Variants in EMILIN2 observed in about 807,000 individuals in gnomAD.
EMILIN2 encodes the protein EMILIN-2.
EMILIN2 carries 71 observed loss-of-function variants against 87.1 expected under a neutral mutation model. The observed-to-expected ratio is 0.82, with a 90% confidence interval of 0.67 to 0.99. The LOEUF is 0.99. Ranked by LOEUF, EMILIN2 falls within the 50% of genes least tolerant of loss-of-function variation. The pLI, the probability that EMILIN2 is intolerant of heterozygous loss-of-function variation, is 0.00. For missense variants in EMILIN2, 1,407 were observed against 1,371.8 expected (o/e 1.03, Z -0.40); for synonymous variants, 581 against 563.4 (o/e 1.03, Z -0.44).
chr18:2,876,976 A>G (rs900642363), intron 2 of EMILIN2, among the ~76,000 whole-genome samples: 1 of 152,236 alleles, frequency 6.6e-6, no homozygotes, highest in African/African-American at 2.4e-5. Context: ...CTCCATGTAG[A>G]GATCTGATTA....
chr18:2,854,400 T>C (rs2076616909), intron 2 of EMILIN2, among the ~76,000 whole-genome samples: 1 of 152,140 alleles, frequency 6.6e-6, no homozygotes, highest in African/African-American at 2.4e-5. Context: ...CTAATCCTCC[T>C]CAGGTTCCGA....
At chr18:2,864,108 G>A (rs2076674542) in intron 2 of EMILIN2, among the ~76,000 whole-genome samples, 1 of 152,110 alleles carries the variant, frequency 6.6e-6, no homozygotes, top group Non-Finnish European at 1.5e-5. Context: ...TTGAGTCTAT[G>A]TGTGTCTCTG....
chr18:2,913,520 C>T lies in EMILIN2; in HGVS notation c.*116C>T, dbSNP rs1187162624. ...GCTAGAGTTTCCACATAGGCCCCAA[C>T]ATAAAGGCCTTCCCTCGCTGTTGAG... On this transcript the variant is annotated 3_prime_UTR_variant, in exon 8 of 8. Transcript: ENST00000254528. 59 of 813,918 alleles carry T rather than the reference C, an allele frequency of 7.2e-5. No individual in the cohort carries two copies. Among genetic ancestry groups the T allele is most frequent in the Non-Finnish European group, 3.8e-6 (2 of 532,026 alleles). The allele number at this position is 813,918 out of a possible 1,614,324, so 50.4% of individuals were successfully genotyped here.
At position 2,892,487 on chromosome 18, in the gene EMILIN2, G is replaced by A. The variant is rs2076843920; in HGVS notation, c.2359+1G>A. The A allele has an allele frequency of 6.3e-7, 1 of 1,584,550 alleles. No individual in the cohort carries two copies. The highest frequency in any genetic ancestry group is 1.3e-5 in the African/African-American group (1 of 74,330). On this transcript the variant is annotated splice_donor_variant, in intron 4 of 7. Transcript: ENST00000254528. LOFTEE classifies it high-confidence loss of function. ...CTGGTCAAATTTCAGCCATCAGCAAGTAAGTTGAATATTACAATTCTATTT... is the reference window on the plus strand; with the variant it reads ...CTGGTCAAATTTCAGCCATCAGCAAATAAGTTGAATATTACAATTCTATTT...
At chr18:2,859,811 AT>A (rs1888822572) in intron 2 of EMILIN2, among the ~76,000 whole-genome samples, 1 of 152,152 alleles carries the variant, frequency 6.6e-6, no homozygotes, top group African/African-American at 2.4e-5. Context: ...TCCCAGAACC[AT>A]TTGTTAAATA....
rs953128913 is a variant in EMILIN2 at position 2,848,839 on chromosome 18, C to T, written c.257+908C>T. Among the ~76,000 whole-genome samples the T allele has an allele frequency of 3.9e-5, 6 of 152,118 alleles. No homozygotes were observed. The highest frequency in any genetic ancestry group is 7.2e-5 in the African/African-American group (3 of 41,408). On this transcript the variant is annotated intron_variant, in intron 2 of 7. Transcript: ENST00000254528. The surrounding 1 kb of genome is among the most constrained non-coding windows in gnomAD (Gnocchi z 4.1). ...ATTACAGCAGAGAATAGTCAGTAGGCGGATCTGTCTTTGGCAAAACCAAGG... is the reference window on the plus strand; with the variant it reads ...ATTACAGCAGAGAATAGTCAGTAGGTGGATCTGTCTTTGGCAAAACCAAGG...
chr18:2,905,729 AG>A (rs1186573554), intron 4 of EMILIN2, among the ~76,000 whole-genome samples: 1 of 149,264 alleles, frequency 6.7e-6, no homozygotes, highest in African/African-American at 2.5e-5. Flanking sequence ...CAGCCTCCCG[AG>A]TAGCTGGGAT....
chr18:2,890,385 A>AT lies in EMILIN2; in HGVS notation c.434-173dup, dbSNP rs2076828446. Among the ~76,000 whole-genome samples, 1 of 152,220 alleles carries AT rather than the reference A, an allele frequency of 6.6e-6. No homozygotes were observed. The highest frequency in any genetic ancestry group is 1.5e-5 in the Non-Finnish European group (1 of 68,038). On this transcript the variant is annotated intron_variant, in intron 3 of 7. Coordinates refer to ENST00000254528, the MANE Select transcript of EMILIN2 (RefSeq NM_032048.3). This position sits in a 1 kb window ranked among gnomAD's most constrained non-coding sequence, Gnocchi z 4.7. ...AGAGCCAGAATGCAAGTAGAGGTCT[A>AT]TTTGACTACAAAGCCCATACTCTTT...
intron 7 of EMILIN2, among the ~76,000 whole-genome samples, chr18:2,910,405 G>A (rs1043169203): frequency 1.3e-5 from 2 of 152,200 alleles, no homozygotes; most frequent in South Asian, 4.1e-4. Context: ...AGGATCATGG[G>A]TGTGGAGTTT....
Position 2,847,704 on chromosome 18 carries a change from C to A in EMILIN2, c.135-105C>A. On this transcript the variant is annotated intron_variant, in intron 1 of 7. Transcript: ENST00000254528. The surrounding 1 kb of genome is among the most constrained non-coding windows in gnomAD (Gnocchi z 4.5). ...TCCCGCCTCCGCAGAGGGCGACGGG[C>A]CCCCCCGACCCTCGCTCGGTCTGGT... is the stretch of plus-strand genomic sequence containing the variant. The A allele has an allele frequency of 2.1e-6, 3 of 1,427,004 alleles. No individual in the cohort carries two copies. Among genetic ancestry groups the A allele is most frequent in the Non-Finnish European group, 2.8e-6 (3 of 1,081,024 alleles). 88.4% of individuals were successfully genotyped at this position (1,427,004 alleles called of 1,614,324 possible).
chr18:2,854,204 C>T (rs2066376473), intron 2 of EMILIN2, among the ~76,000 whole-genome samples: 1 of 152,092 alleles, frequency 6.6e-6, no homozygotes, highest in African/African-American at 2.4e-5. Context: ...GGCCACCTCC[C>T]CCCTCAGCCC....
chr18:2,898,447 A>AAGGAAGGGGTGCTGGTGGCGAGC (rs1191066601), intron 4 of EMILIN2, among the ~76,000 whole-genome samples: 61 of 152,148 alleles, frequency 4.0e-4, no homozygotes, highest in Non-Finnish European at 6.5e-4. Context: ...CCGGTAGAGG[A>AAGGAAGGGGTGCTGGTGGCGAGC]AGGAAGGGGT....
intron 4 of EMILIN2, among the ~76,000 whole-genome samples, chr18:2,896,041 A>C (rs1000952363): frequency 3.9e-5 from 6 of 152,184 alleles, no homozygotes; most frequent in African/African-American, 1.2e-4. Flanking sequence ...GAATTATCCA[A>C]GAAGCAGCCA....
intron 4 of EMILIN2, among the ~76,000 whole-genome samples, chr18:2,892,846 A>C (rs1416904937): frequency 6.7e-6 from 1 of 149,282 alleles, no homozygotes; most frequent in Non-Finnish European, 1.5e-5. Context: ...GAGGTCAGGC[A>C]TTCGAGATCA....
At chr18:2,897,000 T>A (rs1443173726) in intron 4 of EMILIN2, among the ~76,000 whole-genome samples, 2 of 152,126 alleles carry the variant, frequency 1.3e-5, no homozygotes, top group African/African-American at 2.4e-5. Flanking sequence ...TATATACTTT[T>A]GAGAAAATGG....
chr18:2,859,218 A>G (rs1439878005), intron 2 of EMILIN2, among the ~76,000 whole-genome samples: 7 of 152,102 alleles, frequency 4.6e-5, no homozygotes, highest in African/African-American at 1.7e-4. Context: ...ACCACATACA[A>G]GCCAATATCT....
At chr18:2,850,588 T>A (rs976691831) in intron 2 of EMILIN2, among the ~76,000 whole-genome samples, 12 of 151,922 alleles carry the variant, frequency 7.9e-5, no homozygotes, top group Non-Finnish European at 1.8e-4. Flanking sequence ...TATTTTTATT[T>A]TTTTAGGGAT....
intron 2 of EMILIN2, among the ~76,000 whole-genome samples, chr18:2,863,963 A>C (rs2076673895): frequency 6.6e-6 from 1 of 151,942 alleles, no homozygotes; most frequent in Non-Finnish European, 1.5e-5. Flanking sequence ...TGATCCCTTT[A>C]CCATTATGTA....
Position 2,847,466 on chromosome 18 carries a change from CCG to C in EMILIN2, c.134+150_134+151del, listed in dbSNP as rs1222260026. The C allele has an allele frequency of 2.0e-6, 2 of 999,996 alleles. No individual in the cohort carries two copies. The highest frequency in any genetic ancestry group is 6.9e-5 in the East Asian group (2 of 29,174). 61.9% of individuals were successfully genotyped at this position (999,996 alleles called of 1,614,324 possible). A position where few individuals can be genotyped will look rare whatever the true frequency, so the allele number is the denominator to read the frequency against. On this transcript the variant is annotated intron_variant, in intron 1 of 7. Coordinates refer to ENST00000254528, the MANE Select transcript of EMILIN2 (RefSeq NM_032048.3). The surrounding 1 kb of genome is among the most constrained non-coding windows in gnomAD (Gnocchi z 4.5). The stretch of plus-strand genomic sequence containing the variant: ...CCCGGGCGGCTCCCTCTGCGGGGGA[CCG>C]CGCGCTCCGCAGCCGGCGCCTCAGG...
Sources: allele counts gnomAD v4.1 joint callset (sites outside exome capture counted in the v4.1 genomes callset), GRCh38; gene constraint gnomAD v4.1.1; non-coding constraint Gnocchi (gnomAD v3.1); transcripts MANE v1.5; gene names NCBI Gene and HGNC (gene_info 2026-07-23, HGNC 2026-07-21).